Variants in LHX1 observed in about 807,000 individuals in gnomAD.
LHX1 encodes the protein LIM/homeobox protein Lhx1.
In LHX1, 9 loss-of-function variants were observed where a neutral mutation model predicts 34.1. The observed-to-expected ratio is 0.26, with a 90% CI of 0.16 to 0.46. LHX1 has a LOEUF of 0.46. Among genes scored for constraint, LHX1 ranks in the 20% least tolerant of loss-of-function variants. The probability of loss-of-function intolerance (pLI) is 1.00; values close to 1 mark genes in which losing one functional copy is unlikely to be tolerated. For synonymous variants in LHX1, 254 were observed against 241.5 expected (o/e 1.05, Z -0.48); for missense variants, 446 against 559.1 (o/e 0.80, Z 2.04).
chr17:36,940,559 G>C (rs200304874), intron 2 of LHX1, 43 bp downstream of exon 2: 1 of 1,613,650 alleles, frequency 6.2e-7, no homozygotes, highest in African/African-American at 1.3e-5. Context: ...AGCGGGTCCT[G>C]GGGGAGGAAG....
rs1015725243 is a variant in LHX1 at position 36,944,353 on chromosome 17, A to T, written c.*1222A>T. Reference sequence around the variant, plus strand: ...CTGTTGAACATTCATGGAATTGTTAATATGACTTATATAGACCCACACAGG... The same window carrying T: ...CTGTTGAACATTCATGGAATTGTTATTATGACTTATATAGACCCACACAGG... On this transcript the variant is annotated 3_prime_UTR_variant, in exon 5 of 5. Transcript: ENST00000614239. The T allele has an allele frequency of 2.6e-5, 4 of 152,118 alleles. No individual in the cohort carries two copies. The highest frequency in any genetic ancestry group is 4.4e-5 in the Non-Finnish European group (3 of 68,020). The allele number at this position is 152,118 out of a possible 1,614,324, so 9.4% of individuals were successfully genotyped here. A position where few individuals can be genotyped will look rare whatever the true frequency, so the allele number is the denominator to read the frequency against.
chr17:36,938,839 G>A (rs1597688104), intron 1 of LHX1: 1 of 300,112 alleles, frequency 3.3e-6, no homozygotes, highest in East Asian at 8.8e-5. Flanking sequence ...TGCGTAGAGT[G>A]TCTGGGCCAA....
chr17:36,942,095 G>C, intron 3 of LHX1, 105 bp from the exon 4 acceptor site: 3 of 1,197,256 alleles, frequency 2.5e-6, no homozygotes, highest in Non-Finnish European at 2.4e-6. Flanking sequence ...GCGCGCGCGC[G>C]CGGTGTCGGC....
chr17:36,937,593 T>C lies in LHX1; in HGVS notation c.-605T>C, dbSNP rs911918761. 5 of 321,112 alleles carry C rather than the reference T, an allele frequency of 1.6e-5. No individual in the cohort carries two copies. Among genetic ancestry groups the C allele is most frequent in the African/African-American group, 1.1e-4 (5 of 44,690 alleles). The allele number at this position is 321,112 out of a possible 1,614,324, so 19.9% of individuals were successfully genotyped here. A position where few individuals can be genotyped will look rare whatever the true frequency, so the allele number is the denominator to read the frequency against. On this transcript the variant is annotated 5_prime_UTR_variant, in exon 1 of 5. Transcript: ENST00000614239. ...AGACCCGCGGCGCGATGCCGGCAGTTTAGGATCCAAAGCTTCTCTGCTCCT... is the reference window on the plus strand; with the variant it reads ...AGACCCGCGGCGCGATGCCGGCAGTCTAGGATCCAAAGCTTCTCTGCTCCT...
At chr17:36,941,160 A>C (rs1405685042) in intron 3 of LHX1, 9 of 700,964 alleles carry the variant, frequency 1.3e-5, no homozygotes, top group South Asian at 1.0e-4. Flanking sequence ...AGAACTGTTG[A>C]ACACTCTGGA....
chr17:36,942,392 C>G, intron 4 of LHX1, 27 bp downstream of exon 4: 1 of 1,557,208 alleles, frequency 6.4e-7, no homozygotes, highest in Non-Finnish European at 8.7e-7. Flanking sequence ...TGGCGGGGCG[C>G]GGCCAGGTCG....
upstream of LHX1, chr17:36,936,812 C>A (rs75027225): frequency 1.1e-5 from 2 of 174,348 alleles, no homozygotes; most frequent in Non-Finnish European, 2.4e-5. Context: ...ACCAAGCCGC[C>A]GGAGCTGGGG....
At chr17:36,940,989 A>G in intron 3 of LHX1, 102 bp downstream of exon 3, 1 of 1,519,066 alleles carries the variant, frequency 6.6e-7, no homozygotes, top group Non-Finnish European at 8.8e-7. Context: ...GAAGTGAGAG[A>G]TGGAGTCCAG....
chr17:36,940,596 C>T lies in LHX1; in HGVS notation c.398-14C>T. ...CTCGCCAAGGCCCCGGCTCATCTGT[C>T]CTTTCCCTCTTAGCCACCACGGGCA... On this transcript the variant is annotated splice_polypyrimidine_tract_variant and intron_variant, in intron 2 of 4. Coordinates refer to ENST00000614239, the MANE Select transcript of LHX1 (RefSeq NM_005568.5). The T allele has an allele frequency of 6.2e-6, 10 of 1,613,772 alleles. No homozygotes were observed. The highest frequency in any genetic ancestry group is 8.5e-6 in the Non-Finnish European group (10 of 1,180,046).
rs542498309 is a variant in LHX1 at position 36,944,604 on chromosome 17, T to C, written c.*1473T>C. ...GAGTTTTTAATAAAAATAGAAAATC[T>C]GATGTTTAGATAATTGGTGTGTTAT... On this transcript the variant is annotated 3_prime_UTR_variant, in exon 5 of 5. Coordinates refer to ENST00000614239, the MANE Select transcript of LHX1 (RefSeq NM_005568.5). 6.6e-6 allele frequency: 1 copy of C among 152,220 alleles called. No individual in the cohort carries two copies. Among genetic ancestry groups the C allele is most frequent in the Non-Finnish European group, 1.5e-5 (1 of 68,044 alleles). The allele number at this position is 152,220 out of a possible 1,614,324, so 9.4% of individuals were successfully genotyped here. A position where few individuals can be genotyped will look rare whatever the true frequency, so the allele number is the denominator to read the frequency against.
chr17:36,941,688 T>C (rs777070613), intron 3 of LHX1, among the ~76,000 whole-genome samples: 5 of 152,240 alleles, frequency 3.3e-5, no homozygotes, highest in Non-Finnish European at 5.9e-5. Context: ...TCTGTGTCAC[T>C]ATTGGCAAGA....
At position 36,938,319 on chromosome 17, in the gene LHX1, A is replaced by G; in HGVS notation, c.122A>G (p.Lys41Arg). The change falls in exon 1 of 5, where the codon AAG becomes AGG. Residue 41 changes from lysine to arginine, a missense_variant. Coordinates refer to ENST00000614239, the MANE Select transcript of LHX1 (RefSeq NM_005568.5). ...GAATGTAAATGCAACCTGACCGAGA[A>G]GTGCTTCTCCAGGGAAGGCAAACTC... Reference protein sequence around the residue: ...CCECKCNLTEKCFSREGKLYC... With the variant: ...CCECKCNLTERCFSREGKLYC... The G allele has an allele frequency of 6.2e-7, 1 of 1,614,218 alleles. No individual in the cohort carries two copies. The highest frequency in any genetic ancestry group is 2.2e-5 in the East Asian group (1 of 44,882).
Position 36,943,369 on chromosome 17 carries a change from CAAAGGAAA to C in LHX1, c.*239_*246del. The stretch of plus-strand genomic sequence containing the variant: ...GTCGACGTGCAGAACTGGGGCTCCC[CAAAGGAAA>C]CGCAGACCTCTCCCCAACTCCCACC... On this transcript the variant is annotated 3_prime_UTR_variant, in exon 5 of 5. Coordinates refer to ENST00000614239, the MANE Select transcript of LHX1 (RefSeq NM_005568.5). The C allele has an allele frequency of 2.0e-6, 1 of 508,778 alleles. No homozygotes were observed. Among genetic ancestry groups the C allele is most frequent in the African/African-American group, 2.0e-5 (1 of 50,528 alleles). 31.5% of individuals were successfully genotyped at this position (508,778 alleles called of 1,614,324 possible). A position where few individuals can be genotyped will look rare whatever the true frequency, so the allele number is the denominator to read the frequency against.
upstream of LHX1, chr17:36,937,207 G>T (rs1283976710): frequency 8.8e-6 from 4 of 453,434 alleles, no homozygotes; most frequent in Admixed American, 9.4e-5. Flanking sequence ...CCAGGCGGCC[G>T]CGAGTTGTGA....
rs1185577800 is a variant in LHX1 at position 36,943,459 on chromosome 17, G to A, written c.*328G>A. The stretch of plus-strand genomic sequence containing the variant: ...CGTGTGCGCCTGGCAGGCGGGCGGC[G>A]AAAAGACGTCCAGGGCAGCCGCGGG... On this transcript the variant is annotated 3_prime_UTR_variant, in exon 5 of 5. Coordinates refer to ENST00000614239, the MANE Select transcript of LHX1 (RefSeq NM_005568.5). The A allele has an allele frequency of 6.7e-6, 2 of 298,434 alleles. No individual in the cohort carries two copies. The highest frequency in any genetic ancestry group is 1.2e-5 in the Non-Finnish European group (2 of 162,828). The allele number at this position is 298,434 out of a possible 1,614,324, so 18.5% of individuals were successfully genotyped here. A position where few individuals can be genotyped will look rare whatever the true frequency, so the allele number is the denominator to read the frequency against.
Position 36,943,041 on chromosome 17 carries a change from G to C in LHX1, c.1131G>C (p.Pro377=). Residue 377 remains proline, a synonymous_variant, in exon 5 of 5, where the codon CCG becomes CCC. Coordinates refer to ENST00000614239, the MANE Select transcript of LHX1 (RefSeq NM_005568.5). ...SMSAEVFGPS[P]PFSSLSVNGG... is the part of the protein sequence containing the mutation. ...CGGCCGAGGTCTTCGGACCCAGCCCGCCCTTCTCGTCGCTGTCGGTCAACG... is the reference window on the plus strand; with the variant it reads ...CGGCCGAGGTCTTCGGACCCAGCCCCCCCTTCTCGTCGCTGTCGGTCAACG... 1 of 1,606,238 alleles carries C rather than the reference G, an allele frequency of 6.2e-7. No individual in the cohort carries two copies. The highest frequency in any genetic ancestry group is 8.5e-7 in the Non-Finnish European group (1 of 1,174,870).
rs114380486 is a variant in LHX1, at chr17:36,941,381, C to T, written c.675+494C>T. On this transcript the variant is annotated intron_variant, in intron 3 of 4. Coordinates refer to ENST00000614239, the MANE Select transcript of LHX1 (RefSeq NM_005568.5). ...CTTCCCCTCCAAAGAGAGGTGGTTC[C>T]GCCGGGAGTCAGCTCTGCTTCCAGC... 8.4e-3 allele frequency: 2,864 copies of T among 340,526 alleles called. 78 individuals carry two copies. The highest frequency in any genetic ancestry group is 0.057 in the African/African-American group (2,638 of 46,608). The allele number at this position is 340,526 out of a possible 1,614,324, so 21.1% of individuals were successfully genotyped here.
rs542498309 is a variant in LHX1 at position 36,944,604 on chromosome 17, T to G, written c.*1473T>G. On this transcript the variant is annotated 3_prime_UTR_variant, in exon 5 of 5. Transcript: ENST00000614239. The stretch of plus-strand genomic sequence containing the variant: ...GAGTTTTTAATAAAAATAGAAAATC[T>G]GATGTTTAGATAATTGGTGTGTTAT... 15 of 152,338 alleles carry G rather than the reference T, an allele frequency of 9.8e-5. No individual in the cohort carries two copies. The highest frequency in any genetic ancestry group is 6.5e-4 in the Admixed American group (10 of 15,298). The allele number at this position is 152,338 out of a possible 1,614,324, so 9.4% of individuals were successfully genotyped here.
chr17:36,938,129 A>G lies in LHX1; in HGVS notation c.-69A>G, dbSNP rs2070740889. The G allele has an allele frequency of 1.3e-6, 2 of 1,501,810 alleles. No homozygotes were observed. The highest frequency in any genetic ancestry group is 9.3e-7 in the Non-Finnish European group (1 of 1,080,844). The allele number at this position is 1,501,810 out of a possible 1,614,324, so 93.0% of individuals were successfully genotyped here. A position where few individuals can be genotyped will look rare whatever the true frequency, so the allele number is the denominator to read the frequency against. On this transcript the variant is annotated 5_prime_UTR_variant, in exon 1 of 5. Transcript: ENST00000614239. ...TGGGGAGCTCGTGCCGATTGTCTTC[A>G]GGAGTCATCCCCTGGGCTCTACTTT...
Sources: gnomAD v4.1 joint callset for allele counts (sites outside exome capture counted in the v4.1 genomes callset) on GRCh38, gnomAD v4.1.1 for gene constraint, MANE v1.5 for transcripts, NCBI Gene and HGNC (gene_info 2026-07-23, HGNC 2026-07-21) for gene names.